The following USP33 variants were observed in gnomAD, a reference collection of about 807,000 sequenced individuals.
USP33 encodes ubiquitin carboxyl-terminal hydrolase 33.
USP33 carries 46 observed loss-of-function variants against 124.2 expected under a neutral mutation model. The observed-to-expected ratio is 0.37, with a 90% confidence interval of 0.29 to 0.47. The LOEUF (loss-of-function observed/expected upper bound fraction) is 0.47, where lower values mean the gene tolerates loss of function less well. Ranked by LOEUF, USP33 falls within the 20% of genes least tolerant of loss-of-function variation. USP33 has a pLI of 0.99. For synonymous variants in USP33, 350 were observed against 352.3 expected (o/e 0.99, Z 0.07); for missense variants, 851 against 1,070.6 (o/e 0.79, Z 2.86).
chr1:77,713,328 C>A, intron 19 of USP33, 47 bp from the exon 20 acceptor site: 1 of 1,479,576 alleles, frequency 6.8e-7, no homozygotes, highest in Non-Finnish European at 9.1e-7. Context: ...TAATTATATT[C>A]CTTTCAAACA....
At chr1:77,720,026 G>A (rs1676382348) in intron 15 of USP33, among the ~76,000 whole-genome samples, 1 of 151,826 alleles carries the variant, frequency 6.6e-6, no homozygotes, top group South Asian at 2.1e-4. Flanking sequence ...CAGGCATGGT[G>A]GCATGCATCT....
At chr1:77,720,187 A>AAAAAAC (rs1676425096) in intron 15 of USP33, 1 of 485,800 alleles carries the variant, frequency 2.1e-6, no homozygotes, top group African/African-American at 2.1e-5. Context: ...AAAAAAAAAA[A>AAAAAAC]AAAAAAACCT....
intron 6 of USP33, among the ~76,000 whole-genome samples, 187 bp from the exon 7 acceptor site, chr1:77,734,603 TTCAAGGATTAAACA>T (rs1204939346): frequency 6.6e-6 from 1 of 152,196 alleles, no homozygotes; most frequent in Non-Finnish European, 1.5e-5. Flanking sequence ...TTTACATAAA[TTCAAGGATTAAACA>T]GTTCAAACTT....
chr1:77,701,691 T>C (rs1674034694), intron 21 of USP33: 1 of 382,450 alleles, frequency 2.6e-6, no homozygotes, highest in South Asian at 4.2e-5. Flanking sequence ...ATTTTTGAGA[T>C]AGAGTTTTGC....
At chr1:77,718,729 G>T in intron 15 of USP33, 88 bp from the exon 16 acceptor site, 2 of 1,040,792 alleles carry the variant, frequency 1.9e-6, no homozygotes, top group Non-Finnish European at 2.9e-6. Flanking sequence ...AAAATGCAGA[G>T]ATCCAGCCTG....
At chr1:77,723,726 C>T (rs1161636759) in intron 11 of USP33, among the ~76,000 whole-genome samples, 3 of 151,826 alleles carry the variant, frequency 2.0e-5, no homozygotes, top group African/African-American at 2.4e-5. Flanking sequence ...TGCAGTGGTG[C>T]GATCTCGGCT....
chr1:77,749,647 G>A (rs573913698), intron 1 of USP33, among the ~76,000 whole-genome samples: 18 of 152,216 alleles, frequency 1.2e-4, no homozygotes, highest in Non-Finnish European at 2.1e-4. Context: ...CTCCCAAAGT[G>A]CCGGAATTAC....
intron 1 of USP33, among the ~76,000 whole-genome samples, chr1:77,744,665 G>A (rs537170295): frequency 3.3e-5 from 5 of 152,186 alleles, no homozygotes; most frequent in Admixed American, 1.3e-4. Context: ...GCAACATAGC[G>A]AGACCTCGTC....
chr1:77,734,369 C>T lies in USP33; in HGVS notation c.502G>A (p.Ala168Thr), dbSNP rs1678181961. ...TACCAATTAGAAAGAGCCTGCAAAG[C>T]TGCATTCATGTAACAAGTATTTCCA... ...NIGNTCYMNA[A>T]LQALSNCPPL... Residue 168 changes from alanine (A) to threonine (T), a missense_variant, in exon 7 of 24, where the codon GCT becomes ACT. By Grantham distance (58) the Ala-to-Thr change is moderately conservative. This residue lies in a region of USP33 where 221 missense variants were observed against 302.9 expected (regional missense o/e 0.73). Coordinates refer to ENST00000370794, the MANE Select transcript of USP33 (RefSeq NM_201624.3). 1 of 1,597,582 alleles carries T rather than the reference C, an allele frequency of 6.3e-7. No homozygotes were observed. Among genetic ancestry groups the T allele is most frequent in the Non-Finnish European group, 8.5e-7 (1 of 1,174,106 alleles).
intron 5 of USP33, among the ~76,000 whole-genome samples, chr1:77,738,907 A>G (rs1040628045): frequency 3.3e-5 from 5 of 152,210 alleles, no homozygotes; most frequent in African/African-American, 9.7e-5. Context: ...AACGGGGAAG[A>G]GAGCTGAATT....
At chr1:77,721,607 T>G in intron 14 of USP33, 1 of 519,612 alleles carries the variant, frequency 1.9e-6, no homozygotes, top group African/African-American at 1.9e-5. Flanking sequence ...AACATTTCAC[T>G]TATCATTTGT....
At chr1:77,758,026 C>T (rs1680961269) in intron 1 of USP33, among the ~76,000 whole-genome samples, 1 of 151,970 alleles carries the variant, frequency 6.6e-6, no homozygotes, top group African/African-American at 2.4e-5. Context: ...GACTTGCTTA[C>T]TGTTAAGTTA....
At chr1:77,729,799 C>T in intron 9 of USP33, 61 bp downstream of exon 9, 1 of 1,545,914 alleles carries the variant, frequency 6.5e-7, no homozygotes, top group Non-Finnish European at 8.9e-7. Flanking sequence ...CCAAAAAAAA[C>T]ATAATGGCAT....
At chr1:77,716,534 T>C (rs1464665378) in intron 17 of USP33, among the ~76,000 whole-genome samples, 1 of 152,172 alleles carries the variant, frequency 6.6e-6, no homozygotes, top group Non-Finnish European at 1.5e-5. Context: ...ATTTATTCAG[T>C]ACAGATTAAT....
intron 16 of USP33, 80 bp from the exon 17 acceptor site, chr1:77,718,127 T>C: frequency 1.6e-6 from 2 of 1,237,172 alleles, no homozygotes; most frequent in Non-Finnish European, 2.2e-6. Context: ...TTAGTAACAT[T>C]TTTATTCAAC....
intron 20 of USP33, 37 bp from the exon 21 acceptor site, chr1:77,711,892 A>C (rs752563758): frequency 6.4e-7 from 1 of 1,566,418 alleles, no homozygotes. Flanking sequence ...ATGTTCTAGG[A>C]AGTTTGTTTC....
intron 21 of USP33, among the ~76,000 whole-genome samples, chr1:77,705,893 T>A (rs1674572269): frequency 6.6e-6 from 1 of 152,190 alleles, no homozygotes; most frequent in Non-Finnish European, 1.5e-5. Flanking sequence ...AAATTTCATA[T>A]AAATGAAATT....
chr1:77,743,298 A>G (rs1220371645), intron 1 of USP33, among the ~76,000 whole-genome samples: 1 of 152,036 alleles, frequency 6.6e-6, no homozygotes, highest in Non-Finnish European at 1.5e-5. Context: ...TTAACACATT[A>G]GTAAATACAT....
intron 15 of USP33, chr1:77,720,342 C>G: frequency 5.1e-6 from 5 of 985,298 alleles, no homozygotes; most frequent in Non-Finnish European, 4.8e-6. Flanking sequence ...TCTTAGTATG[C>G]TTTGCTTTAC....
Sources: gnomAD v4.1 joint callset for allele counts (sites outside exome capture counted in the v4.1 genomes callset) on GRCh38, gnomAD v4.1.1 for gene constraint, gnomAD v4.1.1 regional missense constraint, MANE v1.5 for transcripts, NCBI Gene and HGNC (gene_info 2026-07-23, HGNC 2026-07-21) for gene names.